The following OTUD7A variants were observed in gnomAD, a reference collection of about 807,000 sequenced individuals.
OTUD7A encodes the protein OTU domain-containing protein 7A.
In OTUD7A, 12 loss-of-function variants were observed where a neutral mutation model predicts 65.7. The observed-to-expected ratio is 0.18, with a 90% CI of 0.12 to 0.30. The LOEUF (loss-of-function observed/expected upper bound fraction) is 0.30. Among genes scored for constraint, OTUD7A ranks in the 10% least tolerant of loss-of-function variants. OTUD7A has a pLI of 1.00. For missense variants in OTUD7A, 1,148 were observed against 1,304.8 expected (o/e 0.88, Z 1.85); for synonymous variants, 641 against 586.3 (o/e 1.09, Z -1.35).
At chr15:31,510,064 C>T (rs2041659641) in intron 8 of OTUD7A, among the ~76,000 whole-genome samples, 1 of 149,742 alleles carries the variant, frequency 6.7e-6, no homozygotes, top group East Asian at 1.9e-4. Flanking sequence ...CATGTATGCG[C>T]TGCCGTCTGT....
At chr15:31,598,125 G>A (rs937039327) in intron 3 of OTUD7A, among the ~76,000 whole-genome samples, 5 of 152,138 alleles carry the variant, frequency 3.3e-5, no homozygotes, top group Middle Eastern at 3.2e-3. Flanking sequence ...CTGGCTCTCC[G>A]CTCGCAGTCA....
intron 1 of OTUD7A, among the ~76,000 whole-genome samples, chr15:31,869,310 G>A (rs1897961430): frequency 6.6e-6 from 1 of 152,228 alleles, no homozygotes. Flanking sequence ...TAGTGAACCT[G>A]CCTCCCCGCC....
At chr15:31,522,886 G>C (rs2041956839) in intron 8 of OTUD7A, among the ~76,000 whole-genome samples, 1 of 152,172 alleles carries the variant, frequency 6.6e-6, no homozygotes, top group Non-Finnish European at 1.5e-5. Context: ...AATGACTCCA[G>C]GCCATCATCT....
intron 1 of OTUD7A, among the ~76,000 whole-genome samples, chr15:31,682,314 G>A (rs1010668312): frequency 6.6e-6 from 1 of 152,294 alleles, no homozygotes; most frequent in Admixed American, 6.5e-5. Flanking sequence ...GTCAAGTATA[G>A]TCACACTGAT....
chr15:31,726,555 C>A (rs373611703), intron 1 of OTUD7A, among the ~76,000 whole-genome samples: 3 of 152,102 alleles, frequency 2.0e-5, no homozygotes, highest in Non-Finnish European at 2.9e-5. Context: ...GTTATTGTAC[C>A]CCATTAGCAA....
chr15:31,835,632 G>C (rs1897036260), intron 1 of OTUD7A, among the ~76,000 whole-genome samples: 3 of 152,026 alleles, frequency 2.0e-5, no homozygotes, highest in Non-Finnish European at 2.9e-5. Context: ...CCTAAATATA[G>C]ATATTTCACA....
At chr15:31,729,765 C>A (rs1246138473) in intron 1 of OTUD7A, among the ~76,000 whole-genome samples, 1 of 152,180 alleles carries the variant, frequency 6.6e-6, no homozygotes, top group Non-Finnish European at 1.5e-5. Flanking sequence ...CTCCTCCAAA[C>A]GATGGTTGCA....
intron 8 of OTUD7A, among the ~76,000 whole-genome samples, chr15:31,507,566 T>C (rs1442118742): frequency 1.3e-5 from 2 of 152,148 alleles, no homozygotes; most frequent in East Asian, 1.9e-4. Context: ...AGATTTATTG[T>C]GGAGAGAGAA....
At chr15:31,673,170 A>G (rs564271939) in intron 1 of OTUD7A, among the ~76,000 whole-genome samples, 2 of 152,364 alleles carry the variant, frequency 1.3e-5, no homozygotes, top group Admixed American at 6.5e-5. Flanking sequence ...ACCATCGTTA[A>G]GTCCAGAAGC....
At chr15:31,607,682 T>C (rs1326997082) in intron 3 of OTUD7A, among the ~76,000 whole-genome samples, 5 of 152,230 alleles carry the variant, frequency 3.3e-5, no homozygotes, top group African/African-American at 9.6e-5. Flanking sequence ...TATATTTATA[T>C]AGGATTACAT....
Position 31,478,353 on chromosome 15 carries a change from T to C in OTUD7A, c.*4941A>G, listed in dbSNP as rs1438912040. 6.6e-6 allele frequency: 1 copy of C among 152,082 alleles called. No individual in the cohort carries two copies. Among genetic ancestry groups the C allele is most frequent in the African/African-American group, 2.4e-5 (1 of 41,420 alleles). 9.4% of individuals were successfully genotyped at this position (152,082 alleles called of 1,614,324 possible). A position where few individuals can be genotyped will look rare whatever the true frequency, so the allele number is the denominator to read the frequency against. On this transcript the variant is annotated 3_prime_UTR_variant, in exon 13 of 13. Coordinates refer to ENST00000307050, the MANE Select transcript of OTUD7A (RefSeq NM_001382637.1). ...ATGTTAAACTAACAAATTATGTATA[T>C]ATATATCCTTGATATGCTCTTTGGG...
At chr15:31,643,707 A>C (rs187573469) in intron 3 of OTUD7A, among the ~76,000 whole-genome samples, 70 of 152,296 alleles carry the variant, frequency 4.6e-4, no homozygotes, top group African/African-American at 1.6e-3. Context: ...AGACAGCAAG[A>C]CTTTTACATT....
Position 31,484,287 on chromosome 15 carries a change from C to T in OTUD7A, c.1809G>A (p.Ala603=), listed in dbSNP as rs547007498. 6.3e-6 allele frequency: 10 copies of T among 1,594,004 alleles called. No individual in the cohort carries two copies. In the Admixed American group the frequency reaches 1.2e-4, roughly 19 times the overall value. Residue 603 remains alanine, a synonymous_variant, in exon 13 of 13, where the codon GCG becomes GCA. Coordinates refer to ENST00000307050, the MANE Select transcript of OTUD7A (RefSeq NM_001382637.1). The surrounding 1 kb of genome is among the most constrained non-coding windows in gnomAD (Gnocchi z 4.5). Reference sequence around the variant, plus strand: ...CGCCCTTCTCCGCCGGCGACGCGCCCGCTGCCTTGTCTGTGGGCGACGGCG... The same window carrying T: ...CGCCCTTCTCCGCCGGCGACGCGCCTGCTGCCTTGTCTGTGGGCGACGGCG... The part of the protein sequence containing the change: ...KTTPSPTDKA[A]GASPAEKGGG...
intron 1 of OTUD7A, among the ~76,000 whole-genome samples, chr15:31,804,359 C>G (rs974071041): frequency 1.3e-5 from 2 of 152,102 alleles, no homozygotes; most frequent in Non-Finnish European, 2.9e-5. Context: ...ATTGGAAACA[C>G]CCGGGTCCCC....
chr15:31,630,334 T>C (rs1327059923), intron 3 of OTUD7A, among the ~76,000 whole-genome samples: 3 of 151,840 alleles, frequency 2.0e-5, no homozygotes, highest in Non-Finnish European at 4.4e-5. Flanking sequence ...TATTTCTGCC[T>C]TCATTTCGTG....
At chr15:31,853,114 C>G (rs912703836) in intron 1 of OTUD7A, among the ~76,000 whole-genome samples, 6 of 152,186 alleles carry the variant, frequency 3.9e-5, no homozygotes, top group Admixed American at 3.9e-4. Context: ...AATAAAAGAG[C>G]CTTTGTGAAG....
intron 3 of OTUD7A, among the ~76,000 whole-genome samples, chr15:31,570,442 TACACACACACACACACACACAC>T (rs57517466): frequency 2.9e-4 from 42 of 143,322 alleles, no homozygotes; most frequent in Non-Finnish European, 5.0e-4. Context: ...TTTAGGTTCA[TACACACACACACACACACACAC>T]ACACACACAC....
chr15:31,767,862 G>T (rs1434439388), intron 1 of OTUD7A: 4 of 1,146,662 alleles, frequency 3.5e-6, no homozygotes, highest in East Asian at 4.7e-5. Flanking sequence ...GGATGCCTTC[G>T]TGGTAGAGTT....
At chr15:31,770,485 A>G (rs1222819820) in intron 1 of OTUD7A, among the ~76,000 whole-genome samples, 1 of 152,254 alleles carries the variant, frequency 6.6e-6, no homozygotes, top group Non-Finnish European at 1.5e-5. Flanking sequence ...TATACTACCA[A>G]GGACTTAAAG....
Sources: gnomAD v4.1 joint callset for allele counts (sites outside exome capture counted in the v4.1 genomes callset) on GRCh38, gnomAD v4.1.1 for gene constraint, Gnocchi (gnomAD v3.1) non-coding constraint, MANE v1.5 for transcripts, NCBI Gene and HGNC (gene_info 2026-07-23, HGNC 2026-07-21) for gene names.